ZC3H14: variants seen among roughly 807,000 people sequenced by gnomAD.
The protein encoded by ZC3H14 is zinc finger CCCH domain-containing protein 14.
In ZC3H14, 31 loss-of-function variants were observed where a neutral mutation model predicts 92.4. That is an observed-to-expected ratio of 0.34 (90% CI 0.25 to 0.45). ZC3H14 has a LOEUF of 0.45. Among genes scored for constraint, ZC3H14 ranks in the 20% least tolerant of loss-of-function variants. The probability of loss-of-function intolerance (pLI) is 1.00; values close to 1 mark genes in which losing one functional copy is unlikely to be tolerated. For synonymous variants in ZC3H14, 321 were observed against 300.9 expected (o/e 1.07, Z -0.69); for missense variants, 781 against 897.3 (o/e 0.87, Z 1.66).
Position 88,625,244 on chromosome 14 carries a change from C to T in ZC3H14, c.*13493C>T, listed in dbSNP as rs886840319. On this transcript the variant is annotated 3_prime_UTR_variant, in exon 17 of 17. Coordinates refer to ENST00000251038, the MANE Select transcript of ZC3H14 (RefSeq NM_024824.5). ...CACCCTTGATACAAAGAGCATGCAT[C>T]GTGTAGTGGCAGCAGCACTGAATTC... The T allele has an allele frequency of 1.4e-5, 17 of 1,194,164 alleles. No individual in the cohort carries two copies. Among genetic ancestry groups the T allele is most frequent in the Non-Finnish European group, 1.6e-5 (14 of 865,328 alleles). The allele number at this position is 1,194,164 out of a possible 1,614,324, so 74.0% of individuals were successfully genotyped here.
intron 9 of ZC3H14, chr14:88,589,510 C>A (rs1327466232): frequency 6.6e-6 from 1 of 152,068 alleles, no homozygotes; most frequent in Non-Finnish European, 1.5e-5. Context: ...TGGACCTTGC[C>A]CTGAATTCCT....
rs1414999164 is a variant in ZC3H14, at chr14:88,579,862, G to A, written c.1279+1722G>A. Among the ~76,000 whole-genome samples the A allele has an allele frequency of 2.0e-5, 3 of 151,560 alleles. No homozygotes were observed. The South Asian group carries it at 6.3e-4, about 32-fold the overall frequency. On this transcript the variant is annotated intron_variant, in intron 9 of 16. Transcript: ENST00000251038. ...CCAAAAAGAAATACAATTTCAAAGT[G>A]AGCTAGAAGACATTATTTAAATAAT...
chr14:88,574,769 A>C lies in ZC3H14; in HGVS notation c.938A>C (p.Glu313Ala). The change falls in exon 7 of 17, where the codon GAA becomes GCA. Residue 313 changes from glutamate to alanine, a missense_variant. Physicochemically the swap from Glu to Ala is moderately radical, Grantham distance 107 (BLOSUM62 -1). Transcript: ENST00000251038. ...GTAAAAAAATTCAATCATGATGGAGAAGAGGAGGAAGAAGATGATGATTAC... is the reference window on the plus strand; with the variant it reads ...GTAAAAAAATTCAATCATGATGGAGCAGAGGAGGAAGAAGATGATGATTAC... ...VKVKKFNHDG[E>A]EEEEDDDYGS... The C allele has an allele frequency of 2.5e-6, 4 of 1,614,142 alleles. No homozygotes were observed. Among genetic ancestry groups the C allele is most frequent in the Non-Finnish European group, 3.4e-6 (4 of 1,180,016 alleles).
At chr14:88,582,762 A>G (rs887551079) in intron 9 of ZC3H14, among the ~76,000 whole-genome samples, 3 of 152,212 alleles carry the variant, frequency 2.0e-5, no homozygotes, top group Non-Finnish European at 4.4e-5. Flanking sequence ...TGGTATTACT[A>G]GATATATTCA....
In ZC3H14 at chr14:88,617,610, A is replaced by T. The variant is rs565462312; in HGVS notation, c.*5859A>T. 1 of 152,314 alleles carries T rather than the reference A, an allele frequency of 6.6e-6. No individual in the cohort carries two copies. The highest frequency in any genetic ancestry group is 2.1e-4 in the South Asian group (1 of 4,816). 9.4% of individuals were successfully genotyped at this position (152,314 alleles called of 1,614,324 possible). On this transcript the variant is annotated 3_prime_UTR_variant, in exon 17 of 17. Coordinates refer to ENST00000251038, the MANE Select transcript of ZC3H14 (RefSeq NM_024824.5). ...ATTGTGAGATCCCTATCTCTACAAA[A>T]ATAAAAATGACTTATGACATAGGAA... is the stretch of plus-strand genomic sequence containing the variant.
At position 88,617,084 on chromosome 14, in the gene ZC3H14, G is replaced by T; in HGVS notation, c.*5333G>T. ...TAAAAATGACATTTTATAATTTGAAGGGTTTCTAGATTAATCTTTTTAAGA... is the reference window on the plus strand; with the variant it reads ...TAAAAATGACATTTTATAATTTGAATGGTTTCTAGATTAATCTTTTTAAGA... On this transcript the variant is annotated 3_prime_UTR_variant, in exon 17 of 17. Transcript: ENST00000251038. The T allele has an allele frequency of 2.2e-6, 1 of 449,790 alleles. No individual in the cohort carries two copies. Among genetic ancestry groups the T allele is most frequent in the Non-Finnish European group, 4.0e-6 (1 of 253,134 alleles). The allele number at this position is 449,790 out of a possible 1,614,324, so 27.9% of individuals were successfully genotyped here. A position where few individuals can be genotyped will look rare whatever the true frequency, so the allele number is the denominator to read the frequency against.
rs2087261132 is a variant in ZC3H14, at chr14:88,614,261, G to C, written c.*2510G>C. 1 of 152,064 alleles carries C rather than the reference G, an allele frequency of 6.6e-6. No homozygotes were observed. The highest frequency in any genetic ancestry group is 6.6e-5 in the Admixed American group (1 of 15,244). 9.4% of individuals were successfully genotyped at this position (152,064 alleles called of 1,614,324 possible). On this transcript the variant is annotated 3_prime_UTR_variant, in exon 17 of 17. Coordinates refer to ENST00000251038, the MANE Select transcript of ZC3H14 (RefSeq NM_024824.5). ...TAAATACATGAGTAGAAACTTAATA[G>C]TCATGTATTTCAAAATTTGGCTTAA...
rs909230817 is a variant in ZC3H14 at position 88,572,836 on chromosome 14, C to T, written c.690C>T (p.Asn230=). 28 of 1,614,070 alleles carry T rather than the reference C, an allele frequency of 1.7e-5. No homozygotes were observed. The highest frequency in any genetic ancestry group is 2.4e-5 in the Non-Finnish European group (28 of 1,180,048). The change falls in exon 6 of 17, where the codon AAC becomes AAT. Residue 230 remains asparagine, a synonymous_variant. Transcript: ENST00000251038. ...SRNADSGVHL[N]RLQFQQQQNS... is the part of the protein sequence containing the mutation. ...ATGCAGATAGTGGTGTTCATTTAAA[C>T]AGGTTGCAATTTCAACAGCAGCAGA...
intron 9 of ZC3H14, chr14:88,586,795 A>G (rs1474926698): frequency 2.0e-5 from 3 of 152,254 alleles, no homozygotes; most frequent in African/African-American, 4.8e-5. Context: ...CTCCTGATAG[A>G]TGAGAAAATA....
chr14:88,581,966 C>T lies in ZC3H14; in HGVS notation c.1279+3826C>T, dbSNP rs1328430795. On this transcript the variant is annotated intron_variant, in intron 9 of 16. Coordinates refer to ENST00000251038, the MANE Select transcript of ZC3H14 (RefSeq NM_024824.5). ...TGAGAACGATACCACTGGGTAACCC[C>T]ATAGGACAGGAGTTGGCATCTGTTG... Among the ~76,000 whole-genome samples, 25 of 152,274 alleles carry T rather than the reference C, an allele frequency of 1.6e-4. No homozygotes were observed. The South Asian group carries it at 5.2e-3, about 32-fold the overall frequency.
chr14:88,578,781 GTTTTTTTTTTTTTTTT>G (rs35101368), intron 9 of ZC3H14, among the ~76,000 whole-genome samples: 1 of 76,818 alleles, frequency 1.3e-5, no homozygotes, highest in Non-Finnish European at 2.4e-5. Context: ...TTGCTTCCAG[GTTTTTTTTTTTTTTTT>G]TTTTTTTTGC....
At position 88,609,406 on chromosome 14, in the gene ZC3H14, G is replaced by T; in HGVS notation, c.2005+3G>T. On this transcript the variant is annotated splice_donor_region_variant and intron_variant, in intron 14 of 16. Coordinates refer to ENST00000251038, the MANE Select transcript of ZC3H14 (RefSeq NM_024824.5). ...TCCAGTACTGTCTCCAAAACCAGGT[G>T]AGTGAGTGACTGTGCTACTACATTT... The T allele has an allele frequency of 6.2e-7, 1 of 1,613,898 alleles. No individual in the cohort carries two copies. The highest frequency in any genetic ancestry group is 8.5e-7 in the Non-Finnish European group (1 of 1,179,928).
intron 13 of ZC3H14, among the ~76,000 whole-genome samples, chr14:88,607,667 CCATCT>C (rs1313628704): frequency 1.4e-5 from 2 of 143,850 alleles, no homozygotes; most frequent in Admixed American, 1.4e-4. Context: ...CCTGCAAGTA[CCATCT>C]CATCTCACCC....
Position 88,571,096 on chromosome 14 carries a change from A to G in ZC3H14, c.207A>G (p.Val69=), listed in dbSNP as rs147748071. ...TTTTTTTCCTCAGGCTTCATGGTGT[A>G]TTAGATAAACTTCGCTCTGTTACAA... ...TIRFTVWLHG[V]LDKLRSVTTE... The change falls in exon 4 of 17, where the codon GTA becomes GTG. Residue 69 remains valine (V), a synonymous_variant. Transcript: ENST00000251038. 9 of 1,581,994 alleles carry G rather than the reference A, an allele frequency of 5.7e-6. No individual in the cohort carries two copies. The African/African-American group carries it at 8.1e-5, about 14-fold the overall frequency.
chr14:88,574,607 GT>G (rs2080923375), intron 6 of ZC3H14, 85 bp from the exon 7 acceptor site: 4 of 1,529,666 alleles, frequency 2.6e-6, no homozygotes, highest in African/African-American at 2.7e-5. Context: ...ACTGTGTACT[GT>G]TTTTTTCTTA....
chr14:88,624,951 G>A lies in ZC3H14; in HGVS notation c.*13200G>A. ...GGTCACAAATGCATAAATATTCTGT[G>A]AAAAGAAAGAGGACTCACGGCCTTT... On this transcript the variant is annotated 3_prime_UTR_variant, in exon 17 of 17. Transcript: ENST00000251038. 1 of 1,611,506 alleles carries A rather than the reference G, an allele frequency of 6.2e-7. No individual in the cohort carries two copies. Among genetic ancestry groups the A allele is most frequent in the Non-Finnish European group, 8.5e-7 (1 of 1,178,810 alleles).
chr14:88,592,517 T>C (rs2083275693), intron 9 of ZC3H14: 1 of 116,664 alleles, frequency 8.6e-6, no homozygotes, highest in African/African-American at 3.6e-5. Context: ...TTTTTTTTTT[T>C]TGAGACAGAT....
chr14:88,577,347 T>G (rs963316474), intron 8 of ZC3H14, among the ~76,000 whole-genome samples: 1 of 152,208 alleles, frequency 6.6e-6, no homozygotes, highest in Admixed American at 6.5e-5. Context: ...TTATCTAAAT[T>G]ACAATTTGAA....
Position 88,572,709 on chromosome 14 carries a change from T to A in ZC3H14, c.563T>A (p.Phe188Tyr), listed in dbSNP as rs1389976966. Residue 188 changes from phenylalanine to tyrosine, a missense_variant, in exon 6 of 17, where the codon TTT (phenylalanine) becomes TAT (tyrosine). Around this residue, in one of 3 missense-constraint regions of ZC3H14, gnomAD observed 454 missense variants for 438.5 expected, o/e 1.04. Coordinates refer to ENST00000251038, the MANE Select transcript of ZC3H14 (RefSeq NM_024824.5). The part of the protein sequence containing the change: ...PDDLIDEDLN[F>Y]VQENPLSQKK... ...GATCTCATTGACGAAGACCTCAACT[T>A]TGTGCAGGAGAATCCCTTATCTCAG... The A allele has an allele frequency of 6.8e-6, 11 of 1,614,076 alleles. No homozygotes were observed. The South Asian group carries it at 1.2e-4, about 18-fold the overall frequency.
Sources: allele counts gnomAD v4.1 joint callset (sites outside exome capture counted in the v4.1 genomes callset), GRCh38; gene constraint gnomAD v4.1.1; regional missense constraint gnomAD v4.1.1; transcripts MANE v1.5; gene names NCBI Gene and HGNC (gene_info 2026-07-23, HGNC 2026-07-21).